Variants in SLC15A3 observed in about 807,000 individuals in gnomAD.
SLC15A3 encodes solute carrier family 15 member 3.
In SLC15A3, 39 loss-of-function variants were observed where a neutral mutation model predicts 49.2. The ratio of observed to expected loss-of-function variants is 0.79; its 90% CI spans 0.61 to 1.04. The LOEUF is 1.04. SLC15A3 is among the 50% of genes least tolerant of loss of function. SLC15A3 has a pLI of 0.00. For missense variants in SLC15A3, 758 were observed against 794.8 expected, an observed-to-expected ratio of 0.95 and a Z score of 0.56; for synonymous variants, 339 against 367.0, an observed-to-expected ratio of 0.92 and a Z score of 0.87.
In SLC15A3 at chr11:60,937,356, G is replaced by A. The variant is rs374216372; in HGVS notation, c.1609C>T (p.Arg537Trp). 132 of 1,613,990 alleles carry A rather than the reference G, an allele frequency of 8.2e-5. No individual in the cohort carries two copies. The highest frequency in any genetic ancestry group is 1.6e-4 in the Middle Eastern group (1 of 6,084). Reference protein sequence around the residue: ...PKDFGNINNCRMDLYFFLLAG... With the variant: ...PKDFGNINNCWMDLYFFLLAG... ...AGCAGGAAGAAGTAGAGGTCCATCCGGCAATTGTTGATGTTCCCTGGGGAA... is the reference window on the plus strand; with the variant it reads ...AGCAGGAAGAAGTAGAGGTCCATCCAGCAATTGTTGATGTTCCCTGGGGAA... The change falls in exon 8 of 8, where the codon CGG (arginine) becomes TGG (tryptophan). Residue 537 changes from arginine to tryptophan, a missense_variant. This residue lies in a region of SLC15A3 where 699 missense variants were observed against 706.7 expected (regional missense o/e 0.99). Coordinates refer to ENST00000227880, the MANE Select transcript of SLC15A3 (RefSeq NM_016582.3).
rs1038519700 is a variant in SLC15A3, at chr11:60,951,004, C to G, written c.548G>C (p.Gly183Ala). Residue 183 changes from glycine to alanine, a missense_variant, in exon 1 of 8, where the codon GGT becomes GCT. Coordinates refer to ENST00000227880, the MANE Select transcript of SLC15A3 (RefSeq NM_016582.3). ...CCTCCTGCCACTCACCTGGTCGGCA[C>G]CGAAGGAGGTGAGGTTGCTCCGGAC... ...SSVRSNLTSFGADQVMDLGRD... is the reference protein window; with the variant it reads ...SSVRSNLTSFAADQVMDLGRD... The G allele has an allele frequency of 5.3e-5, 79 of 1,480,624 alleles. No homozygotes were observed. Among genetic ancestry groups the G allele is most frequent in the Non-Finnish European group, 6.2e-5 (70 of 1,122,472 alleles). The allele number at this position is 1,480,624 out of a possible 1,614,324, so 91.7% of individuals were successfully genotyped here. A position where few individuals can be genotyped will look rare whatever the true frequency, so the allele number is the denominator to read the frequency against.
chr11:60,951,063 C>A lies in SLC15A3; in HGVS notation c.489G>T (p.Ala163=), dbSNP rs750927187. 4.7e-6 allele frequency: 7 copies of A among 1,492,118 alleles called. No individual in the cohort carries two copies. Among genetic ancestry groups the A allele is most frequent in the Non-Finnish European group, 6.2e-6 (7 of 1,129,864 alleles). The allele number at this position is 1,492,118 out of a possible 1,614,324, so 92.4% of individuals were successfully genotyped here. The change falls in exon 1 of 8, where the codon GCG becomes GCT. Residue 163 remains alanine (A), a synonymous_variant. Transcript: ENST00000227880. ...PSPYCAPVLY[A]GLLLLGLAAS... is the part of the protein sequence containing the mutation. ...CGGCCAGGCCGAGTAGCAGCAGGCC[C>A]GCGTAGAGGACGGGCGCGCAGTAGG...
Position 60,937,386 on chromosome 11 carries a change from G to A in SLC15A3, c.1592-13C>T, listed in dbSNP as rs761957982. On this transcript the variant is annotated splice_polypyrimidine_tract_variant and intron_variant, in intron 7 of 7. Coordinates refer to ENST00000227880, the MANE Select transcript of SLC15A3 (RefSeq NM_016582.3). Reference sequence around the variant, plus strand: ...TTGTTGATGTTCCCTGGGGAAAGGAGGGGTTAGATTTGGGTCAGGACAGGG... The same window carrying A: ...TTGTTGATGTTCCCTGGGGAAAGGAAGGGTTAGATTTGGGTCAGGACAGGG... 4 of 1,613,894 alleles carry A rather than the reference G, an allele frequency of 2.5e-6. No homozygotes were observed. The African/African-American group carries it at 4.0e-5, about 16-fold the overall frequency.
In SLC15A3 at chr11:60,946,038, G is replaced by C. The variant is rs573512766; in HGVS notation, c.848+494C>G. ...ATTTTTTTCCTGTTCTGTCACCCAG[G>C]CTGGAGTGCAGTGGCACCATCATGG... On this transcript the variant is annotated intron_variant, in intron 2 of 7. Coordinates refer to ENST00000227880, the MANE Select transcript of SLC15A3 (RefSeq NM_016582.3). 2.0e-5 allele frequency among the ~76,000 whole-genome samples: 3 copies of C among 151,416 alleles called. No individual in the cohort carries two copies. In the South Asian group the frequency reaches 6.3e-4, roughly 32 times the overall value.
chr11:60,949,408 A>AGAGAG (rs1856855427), intron 1 of SLC15A3, among the ~76,000 whole-genome samples: 2 of 87,474 alleles, frequency 2.3e-5, no homozygotes, highest in African/African-American at 5.7e-5. Flanking sequence ...GAAAGAAAGG[A>AGAGAG]AGAAAGAAAG....
chr11:60,949,429 A>AGAAG lies in SLC15A3; in HGVS notation c.558+1564_558+1565insCTTC, dbSNP rs1856857265. Among the ~76,000 whole-genome samples, 4 of 24,716 alleles carry AGAAG rather than the reference A, an allele frequency of 1.6e-4. 1 individual carries two copies. Among genetic ancestry groups the AGAAG allele is most frequent in the African/African-American group, 2.1e-4 (4 of 19,318 alleles). The allele number at this position is 24,716 out of a possible 152,430, so 16.2% of individuals were successfully genotyped here. Reference sequence around the variant, plus strand: ...AAGGAAGAAAGAAAGAAAGAAGGAAAGAAAGAAAGAAAGAAAGAAAGAGAA... The same window carrying AGAAG: ...AAGGAAGAAAGAAAGAAAGAAGGAAAGAAGGAAAGAAAGAAAGAAAGAAAGAGAA... On this transcript the variant is annotated intron_variant, in intron 1 of 7. Coordinates refer to ENST00000227880, the MANE Select transcript of SLC15A3 (RefSeq NM_016582.3).
At chr11:60,945,005 C>A (rs1415743542) in intron 2 of SLC15A3, among the ~76,000 whole-genome samples, 1 of 152,230 alleles carries the variant, frequency 6.6e-6, no homozygotes, top group Non-Finnish European at 1.5e-5. Flanking sequence ...CATTTTGCCA[C>A]CAACAGGTGG....
At position 60,943,731 on chromosome 11, in the gene SLC15A3, G is replaced by A. The variant is rs79133588; in HGVS notation, c.954C>T (p.Pro318=). ...ANFQVLVKIL[P]VMVTLVPYWM... ...AGTAGGGCACCAGGGTCACCATGAC[G>A]GGCAAGATCTTCACCAGCACCTGGA... is the stretch of plus-strand genomic sequence containing the variant. Residue 318 remains proline (P), a synonymous_variant, in exon 3 of 8, where the codon CCC becomes CCT. Coordinates refer to ENST00000227880, the MANE Select transcript of SLC15A3 (RefSeq NM_016582.3). 1.1e-3 allele frequency: 1,816 copies of A among 1,602,252 alleles called. 19 individuals are homozygous for A. In the African/African-American group the frequency reaches 0.021, roughly 18 times the overall value.
intron 6 of SLC15A3, among the ~76,000 whole-genome samples, chr11:60,938,491 C>T (rs574519176): frequency 6.6e-6 from 1 of 152,218 alleles, no homozygotes; most frequent in African/African-American, 2.4e-5. Flanking sequence ...TCTTAAACTC[C>T]CCTGACTCCT....
chr11:60,941,695 T>G, intron 4 of SLC15A3: 1 of 336,172 alleles, frequency 3.0e-6, no homozygotes, highest in Non-Finnish European at 5.5e-6. Flanking sequence ...AAGGCAGAGA[T>G]CTAGGTATCT....
rs1212325435 is a variant in SLC15A3, at chr11:60,951,074, C to T, written c.478G>A (p.Val160Ile). 2.0e-6 allele frequency: 3 copies of T among 1,485,682 alleles called. No homozygotes were observed. Among genetic ancestry groups the T allele is most frequent in the Admixed American group, 2.3e-5 (1 of 43,220 alleles). The allele number at this position is 1,485,682 out of a possible 1,614,324, so 92.0% of individuals were successfully genotyped here. ...AGTAGCAGCAGGCCCGCGTAGAGGA[C>T]GGGCGCGCAGTAGGGGCTGGGCGAG... ...RSSPSPYCAP[V>I]LYAGLLLLGL... is the part of the protein sequence containing the mutation. The change falls in exon 1 of 8, where the codon GTC (valine) becomes ATC (isoleucine). Residue 160 changes from valine (V) to isoleucine (I), a missense_variant. Transcript: ENST00000227880.
At chr11:60,949,554 A>G (rs2085004016) in intron 1 of SLC15A3, among the ~76,000 whole-genome samples, 1 of 75,160 alleles carries the variant, frequency 1.3e-5, no homozygotes, top group Non-Finnish European at 3.8e-5. Context: ...GAAAGAAAGA[A>G]AGAAAGAAAG....
chr11:60,951,560 C>T lies in SLC15A3; in HGVS notation c.-9G>A, dbSNP rs557475478. On this transcript the variant is annotated 5_prime_UTR_variant, in exon 1 of 8. Coordinates refer to ENST00000227880, the MANE Select transcript of SLC15A3 (RefSeq NM_016582.3). Reference sequence around the variant, plus strand: ...GCGCGCGGCGCGGGCATCCTGGCTCCGGGCTGGGCCCCCCGCGGCTCTTCT... The same window carrying T: ...GCGCGCGGCGCGGGCATCCTGGCTCTGGGCTGGGCCCCCCGCGGCTCTTCT... 441 of 1,133,796 alleles carry T rather than the reference C, an allele frequency of 3.9e-4. 1 individual carries two copies. In the African/African-American group the frequency reaches 6.8e-3, roughly 17 times the overall value. The allele number at this position is 1,133,796 out of a possible 1,614,324, so 70.2% of individuals were successfully genotyped here.
In SLC15A3 at chr11:60,949,481, A is replaced by G. The variant is rs534257; in HGVS notation, c.558+1513T>C. On this transcript the variant is annotated intron_variant, in intron 1 of 7. Transcript: ENST00000227880. ...GAAAGAGAGAGAGAGAAAGAGAAAG[A>G]AAGGAAGAAAGAAAGAAAGAAGGAA... 3.4e-3 allele frequency among the ~76,000 whole-genome samples: 456 copies of G among 134,868 alleles called. 26 individuals carry two copies. The highest frequency in any genetic ancestry group is 0.016 in the African/African-American group (441 of 27,948). 88.5% of individuals were successfully genotyped at this position (134,868 alleles called of 152,430 possible).
At chr11:60,948,111 T>C (rs1318318537) in intron 1 of SLC15A3, among the ~76,000 whole-genome samples, 2 of 152,244 alleles carry the variant, frequency 1.3e-5, no homozygotes, top group South Asian at 2.1e-4. Flanking sequence ...TGTAGTTGCA[T>C]TGGGGAAAAG....
At position 60,951,250 on chromosome 11, in the gene SLC15A3, T is replaced by C. The variant is rs763409329; in HGVS notation, c.302A>G (p.Tyr101Cys). The change falls in exon 1 of 8, where the codon TAC becomes TGC. Residue 101 changes from tyrosine to cysteine, a missense_variant. This residue lies in a region of SLC15A3 where 699 missense variants were observed against 706.7 expected (regional missense o/e 0.99). Coordinates refer to ENST00000227880, the MANE Select transcript of SLC15A3 (RefSeq NM_016582.3). ...CAGCAGGCTGAGCGCGACCGCGCGGTAGCGGCCCAGGTACACGTCGGCCAG... is the reference window on the plus strand; with the variant it reads ...CAGCAGGCTGAGCGCGACCGCGCGGCAGCGGCCCAGGTACACGTCGGCCAG... ...GWLADVYLGRYRAVALSLLLY... is the reference protein window; with the variant it reads ...GWLADVYLGRCRAVALSLLLY... 7.3e-6 allele frequency: 11 copies of C among 1,514,420 alleles called. No homozygotes were observed. The highest frequency in any genetic ancestry group is 8.8e-6 in the Non-Finnish European group (10 of 1,134,718). 93.8% of individuals were successfully genotyped at this position (1,514,420 alleles called of 1,614,324 possible).
Position 60,941,032 on chromosome 11 carries a change from T to G in SLC15A3, c.1276+90A>C, listed in dbSNP as rs1030517490. On this transcript the variant is annotated intron_variant, in intron 5 of 7. Coordinates refer to ENST00000227880, the MANE Select transcript of SLC15A3 (RefSeq NM_016582.3). ...GCCCACTGGGAGAGGCTGAACTTGG[T>G]CCAGGCTACCACTTCAGCATCAGCC... is the stretch of plus-strand genomic sequence containing the variant. 9 of 1,435,194 alleles carry G rather than the reference T, an allele frequency of 6.3e-6. No homozygotes were observed. In the Admixed American group the frequency reaches 1.4e-4, roughly 22 times the overall value. 88.9% of individuals were successfully genotyped at this position (1,435,194 alleles called of 1,614,324 possible).
At chr11:60,941,999 C>G (rs747262356) in intron 4 of SLC15A3, 36 bp downstream of exon 4, 1 of 1,592,650 alleles carries the variant, frequency 6.3e-7, no homozygotes, top group African/African-American at 1.3e-5. Context: ...CGCTACCTGG[C>G]TGAACTGGGT....
At chr11:60,947,063 C>T (rs570777822) in intron 1 of SLC15A3, among the ~76,000 whole-genome samples, 52 of 152,350 alleles carry the variant, frequency 3.4e-4, no homozygotes, top group African/African-American at 1.3e-3. Context: ...TTTGCATACC[C>T]ATGACACACA....
Sources: allele counts gnomAD v4.1 joint callset (sites outside exome capture counted in the v4.1 genomes callset), GRCh38; gene constraint gnomAD v4.1.1; regional missense constraint gnomAD v4.1.1; transcripts MANE v1.5; gene names NCBI Gene and HGNC (gene_info 2026-07-23, HGNC 2026-07-21).